WWC2: variants seen among roughly 807,000 people sequenced by gnomAD.
WWC2 encodes WW and C2 domain containing 2.
WWC2 carries 101 observed loss-of-function variants against 138.5 expected under a neutral mutation model. That is an observed-to-expected ratio of 0.73 (90% CI 0.62 to 0.86). The LOEUF (loss-of-function observed/expected upper bound fraction) is 0.86, where lower values mean the gene tolerates loss of function less well. Among genes scored for constraint, WWC2 ranks in the 40% least tolerant of loss-of-function variants. The probability of loss-of-function intolerance (pLI) is 0.00; values close to 1 mark genes in which losing one functional copy is unlikely to be tolerated. For synonymous variants in WWC2, 558 were observed against 538.4 expected, an observed-to-expected ratio of 1.04 and a Z score of -0.50; for missense variants, 1,420 against 1,419.4, an observed-to-expected ratio of 1.00 and a Z score of -0.01.
intron 1 of WWC2, among the ~76,000 whole-genome samples, chr4:183,145,670 C>T (rs1465959535): frequency 6.6e-6 from 1 of 152,202 alleles, no homozygotes; most frequent in Non-Finnish European, 1.5e-5. Flanking sequence ...CCTTCCAAAA[C>T]TGACAGACTT....
intron 1 of WWC2, 63 bp from the exon 2 acceptor site, chr4:183,193,535 TG>T (rs1476315835): frequency 6.8e-7 from 1 of 1,460,538 alleles, no homozygotes; most frequent in Non-Finnish European, 9.5e-7. Flanking sequence ...GTTAGGGTGC[TG>T]AATTTTGACA....
At chr4:183,156,252 T>C (rs940081861) in intron 1 of WWC2, among the ~76,000 whole-genome samples, 1 of 151,960 alleles carries the variant, frequency 6.6e-6, no homozygotes, top group Non-Finnish European at 1.5e-5. Context: ...TCTCGAACTC[T>C]TGACCTCTGG....
intron 20 of WWC2, among the ~76,000 whole-genome samples, chr4:183,287,776 G>A (rs1465160850): frequency 6.6e-6 from 1 of 152,206 alleles, no homozygotes; most frequent in Non-Finnish European, 1.5e-5. Context: ...CCGACCGGCA[G>A]AGGTGTGCTG....
intron 1 of WWC2, among the ~76,000 whole-genome samples, chr4:183,189,291 G>A (rs576563994): frequency 6.6e-6 from 1 of 151,994 alleles, no homozygotes; most frequent in African/African-American, 2.4e-5. Context: ...AAAAAAATTA[G>A]CCAGGCGTGG....
At chr4:183,121,140 A>G (rs934940370) in intron 1 of WWC2, among the ~76,000 whole-genome samples, 5 of 151,952 alleles carry the variant, frequency 3.3e-5, no homozygotes, top group Admixed American at 3.3e-4. Context: ...TCAAGGCTGC[A>G]GTAAGCTGTG....
At chr4:183,233,894 C>T (rs1736336294) in intron 4 of WWC2, 1 of 152,078 alleles carries the variant, frequency 6.6e-6, no homozygotes, top group African/African-American at 2.4e-5. Context: ...TGACAGTTGC[C>T]CTTTATTGGC....
chr4:183,114,125 G>A (rs1732337613), intron 1 of WWC2, among the ~76,000 whole-genome samples: 1 of 152,074 alleles, frequency 6.6e-6, no homozygotes, highest in Admixed American at 6.6e-5. Context: ...GTAGGAGGTC[G>A]GGTAGTGGGT....
At chr4:183,143,329 G>A (rs1451702660) in intron 1 of WWC2, among the ~76,000 whole-genome samples, 1 of 152,090 alleles carries the variant, frequency 6.6e-6, no homozygotes, top group African/African-American at 2.4e-5. Flanking sequence ...CATGGCATCT[G>A]CTTTCTCATA....
chr4:183,142,508 C>T (rs1733331460), intron 1 of WWC2, among the ~76,000 whole-genome samples: 1 of 152,118 alleles, frequency 6.6e-6, no homozygotes, highest in East Asian at 1.9e-4. Context: ...GAAGGTTGAC[C>T]CCGACAAAGA....
intron 4 of WWC2, among the ~76,000 whole-genome samples, chr4:183,233,448 G>A (rs775734099): frequency 4.6e-5 from 7 of 151,934 alleles, no homozygotes; most frequent in Admixed American, 6.6e-5. Context: ...TGAGCCACTC[G>A]CCCAGCCTTA....
chr4:183,141,483 A>T (rs946200076), intron 1 of WWC2, among the ~76,000 whole-genome samples: 4 of 152,162 alleles, frequency 2.6e-5, no homozygotes, highest in African/African-American at 9.7e-5. Flanking sequence ...CATTTGTGGG[A>T]CCATAATTCA....
chr4:183,211,760 C>T (rs147502038), intron 4 of WWC2, among the ~76,000 whole-genome samples: 6 of 152,176 alleles, frequency 3.9e-5, no homozygotes, highest in Non-Finnish European at 8.8e-5. Context: ...GTTGTGTGGG[C>T]AAATACCTCA....
At chr4:183,232,634 A>G (rs540325734) in intron 4 of WWC2, among the ~76,000 whole-genome samples, 1 of 151,662 alleles carries the variant, frequency 6.6e-6, no homozygotes, top group South Asian at 2.1e-4. Flanking sequence ...ATAATATTCC[A>G]TTATATGAAT....
At position 183,151,754 on chromosome 4, in the gene WWC2, A is replaced by G. The variant is rs547457761; in HGVS notation, c.132-41845A>G. 2.6e-5 allele frequency among the ~76,000 whole-genome samples: 4 copies of G among 152,310 alleles called. No individual in the cohort carries two copies. In the South Asian group the frequency reaches 6.2e-4, roughly 24 times the overall value. ...AAGGGATCCAGTTTCAGCTTTCTACATATGGCTAGCCAGTTTTCCCAGCAC... is the reference window on the plus strand; with the variant it reads ...AAGGGATCCAGTTTCAGCTTTCTACGTATGGCTAGCCAGTTTTCCCAGCAC... On this transcript the variant is annotated intron_variant, in intron 1 of 22. Transcript: ENST00000403733.
At chr4:183,121,037 C>A (rs13152180) in intron 1 of WWC2, among the ~76,000 whole-genome samples, 7,753 of 152,170 alleles carry the variant, frequency 0.051, 309 homozygotes, top group Non-Finnish European at 0.079. Context: ...GACAACATGG[C>A]GAGACCTTGT....
rs1739543514 is a variant in WWC2, at chr4:183,319,071, G to A, written c.*3342G>A. The A allele has an allele frequency of 6.5e-6, 1 of 153,970 alleles. No individual in the cohort carries two copies. Among genetic ancestry groups the A allele is most frequent in the African/African-American group, 2.4e-5 (1 of 41,444 alleles). 9.5% of individuals were successfully genotyped at this position (153,970 alleles called of 1,614,324 possible). On this transcript the variant is annotated 3_prime_UTR_variant, in exon 23 of 23. Coordinates refer to ENST00000403733, the MANE Select transcript of WWC2 (RefSeq NM_024949.6). ...CACTGAGGTCTCTGATTCAGAAGGA[G>A]ATGATGTGTCTACACCTTTCACCTC...
intron 1 of WWC2, among the ~76,000 whole-genome samples, chr4:183,101,510 A>G (rs1211734282): frequency 2.6e-5 from 4 of 152,234 alleles, no homozygotes; most frequent in African/African-American, 9.6e-5. Context: ...ATTCAGAGAC[A>G]TAAATTTGAC....
chr4:183,242,501 C>T (rs974157000), intron 5 of WWC2, among the ~76,000 whole-genome samples: 1 of 152,180 alleles, frequency 6.6e-6, no homozygotes, highest in Non-Finnish European at 1.5e-5. Flanking sequence ...CCAAATTTGA[C>T]TTCGGCCTAA....
intron 22 of WWC2, among the ~76,000 whole-genome samples, chr4:183,313,689 T>C (rs752563179): frequency 1.1e-4 from 17 of 150,400 alleles, no homozygotes; most frequent in Admixed American, 2.0e-4. Flanking sequence ...AAATGTGAGG[T>C]GACTGGGAAA....
Sources: gnomAD v4.1 joint callset for allele counts (sites outside exome capture counted in the v4.1 genomes callset) on GRCh38, gnomAD v4.1.1 for gene constraint, MANE v1.5 for transcripts, NCBI Gene and HGNC (gene_info 2026-07-23, HGNC 2026-07-21) for gene names.